Variants in C3orf33 observed in about 807,000 individuals in gnomAD.
C3orf33 encodes mitochondrial inner membrane subdomain organizer 1, also known as AP-1 activity suppressor.
Under a neutral mutation model 28.7 loss-of-function variants are expected in C3orf33, and 23 were observed. The observed-to-expected ratio is 0.80, with a 90% CI of 0.58 to 1.13. C3orf33 has a LOEUF of 1.13. Ranked by LOEUF, C3orf33 falls within the 50% of genes most tolerant of loss-of-function variation. The pLI is 0.00. For synonymous variants in C3orf33, 119 were observed against 120.5 expected (o/e 0.99, Z 0.08); for missense variants, 327 against 353.4 (o/e 0.93, Z 0.60).
intron 4 of C3orf33, among the ~76,000 whole-genome samples, chr3:155,765,434 A>G (rs916350488): frequency 6.6e-6 from 1 of 152,200 alleles, no homozygotes; most frequent in Non-Finnish European, 1.5e-5. Flanking sequence ...CGTCATAATC[A>G]TCTCCTTTTT....
intron 1 of C3orf33, among the ~76,000 whole-genome samples, chr3:155,803,225 G>A (rs1480947643): frequency 1.3e-5 from 2 of 152,044 alleles, no homozygotes; most frequent in African/African-American, 2.4e-5. Flanking sequence ...CTCAAAAAGA[G>A]TAATAATCTA....
intron 3 of C3orf33, among the ~76,000 whole-genome samples, chr3:155,770,135 T>TG (rs1750536254): frequency 6.6e-6 from 1 of 152,188 alleles, no homozygotes; most frequent in African/African-American, 2.4e-5. Flanking sequence ...ACAACTCAGG[T>TG]TCCCTCTCTG....
At chr3:155,774,005 C>T (rs530424229) in intron 3 of C3orf33, among the ~76,000 whole-genome samples, 2 of 152,260 alleles carry the variant, frequency 1.3e-5, no homozygotes, top group African/African-American at 2.4e-5. Context: ...TGTTCCTTTA[C>T]AGTTGTACAT....
intron 4 of C3orf33, among the ~76,000 whole-genome samples, chr3:155,766,336 C>T (rs7615604): frequency 0.58 from 87,611 of 152,144 alleles, 25,715 homozygotes; most frequent in Middle Eastern, 0.7. Context: ...GAAACTGTCA[C>T]TTCCAGTTAT....
intron 3 of C3orf33, 70 bp from the exon 4 acceptor site, chr3:155,767,739 C>T: frequency 9.0e-7 from 1 of 1,116,498 alleles, no homozygotes; most frequent in Non-Finnish European, 1.2e-6. Flanking sequence ...AGTCAGTTGG[C>T]CTCCAACAAA....
Position 155,802,659 on chromosome 3 carries a change from A to G in C3orf33, c.115-68T>C. ...TCACAATAATGAAAGCACTAATTAGAAGGTAGAAAAAAAGAAGACTGTCCT... is the reference window on the plus strand; with the variant it reads ...TCACAATAATGAAAGCACTAATTAGGAGGTAGAAAAAAAGAAGACTGTCCT... On this transcript the variant is annotated intron_variant, in intron 1 of 4. Transcript: ENST00000340171. 3 of 1,222,656 alleles carry G rather than the reference A, an allele frequency of 2.5e-6. No homozygotes were observed. In the South Asian group the frequency reaches 4.0e-5, roughly 16 times the overall value. The allele number at this position is 1,222,656 out of a possible 1,614,324, so 75.7% of individuals were successfully genotyped here.
At chr3:155,790,032 C>T (rs774145630) in intron 2 of C3orf33, among the ~76,000 whole-genome samples, 6 of 151,724 alleles carry the variant, frequency 4.0e-5, no homozygotes, top group East Asian at 1.9e-4. Flanking sequence ...GATGTAGTGG[C>T]GCATGCCTGT....
At chr3:155,783,138 G>C (rs1750984921) in intron 2 of C3orf33, among the ~76,000 whole-genome samples, 1 of 151,666 alleles carries the variant, frequency 6.6e-6, no homozygotes, top group Admixed American at 6.6e-5. Context: ...TTGGATAAGG[G>C]ATACTCAACC....
chr3:155,793,691 T>G (rs1751382153), intron 2 of C3orf33, among the ~76,000 whole-genome samples: 3 of 150,474 alleles, frequency 2.0e-5, no homozygotes, highest in African/African-American at 7.3e-5. Flanking sequence ...CTGCCTGTAG[T>G]CCCAGCTACT....
At chr3:155,783,467 ATTT>A (rs57517417) in intron 2 of C3orf33, among the ~76,000 whole-genome samples, 2 of 134,174 alleles carry the variant, frequency 1.5e-5, no homozygotes, top group Non-Finnish European at 1.6e-5. Flanking sequence ...CCTGTACTAC[ATTT>A]TTTTTTTTTT....
intron 2 of C3orf33, among the ~76,000 whole-genome samples, chr3:155,785,857 G>A (rs1038460040): frequency 1.3e-5 from 2 of 152,076 alleles, no homozygotes; most frequent in Non-Finnish European, 2.9e-5. Flanking sequence ...TGGGCAACAT[G>A]CCAAAACCCT....
intron 2 of C3orf33, among the ~76,000 whole-genome samples, chr3:155,791,699 C>T (rs1023038259): frequency 2.0e-5 from 3 of 151,762 alleles, no homozygotes; most frequent in East Asian, 1.9e-4. Flanking sequence ...CAGTATTTGC[C>T]GCAGGCCTGG....
At chr3:155,781,893 G>A (rs551265750) in intron 2 of C3orf33, among the ~76,000 whole-genome samples, 13 of 150,856 alleles carry the variant, frequency 8.6e-5, no homozygotes, top group South Asian at 4.2e-4. Context: ...TGGCTAACAC[G>A]GTGAAACCCC....
intron 2 of C3orf33, among the ~76,000 whole-genome samples, chr3:155,796,482 T>C (rs1462116236): frequency 6.6e-6 from 1 of 151,882 alleles, no homozygotes; most frequent in African/African-American, 2.4e-5. Flanking sequence ...CAACAAGTAA[T>C]GAAAACAAAG....
intron 3 of C3orf33, among the ~76,000 whole-genome samples, chr3:155,767,912 C>T (rs1440244699): frequency 6.6e-6 from 1 of 151,962 alleles, no homozygotes; most frequent in Non-Finnish European, 1.5e-5. Context: ...CAGGGTCTCA[C>T]TCTGTCACCT....
At chr3:155,790,383 A>C (rs2109272582) in intron 2 of C3orf33, among the ~76,000 whole-genome samples, 1 of 152,200 alleles carries the variant, frequency 6.6e-6, no homozygotes, top group South Asian at 2.1e-4. Context: ...ATGATTTCTT[A>C]GATGTGACAC....
intron 1 of C3orf33, among the ~76,000 whole-genome samples, chr3:155,803,319 A>G (rs1421437577): frequency 6.6e-6 from 1 of 152,144 alleles, no homozygotes; most frequent in Non-Finnish European, 1.5e-5. Flanking sequence ...TAATCCCAAC[A>G]CTTTGGGAGG....
chr3:155,779,261 G>T (rs955353883), intron 2 of C3orf33, among the ~76,000 whole-genome samples: 1 of 152,154 alleles, frequency 6.6e-6, no homozygotes, highest in African/African-American at 2.4e-5. Flanking sequence ...TCCTAAAGCA[G>T]GACCTAAGGA....
intron 3 of C3orf33, among the ~76,000 whole-genome samples, chr3:155,770,093 T>G (rs114450070): frequency 0.012 from 1,782 of 152,328 alleles, 46 homozygotes; most frequent in African/African-American, 0.041. Flanking sequence ...GGCAGGAGAC[T>G]ACCTGACTTC....
Sources: allele counts gnomAD v4.1 joint callset (sites outside exome capture counted in the v4.1 genomes callset), GRCh38; gene constraint gnomAD v4.1.1; transcripts MANE v1.5; gene names NCBI Gene and HGNC (gene_info 2026-07-23, HGNC 2026-07-21).